The following RABGAP1L variants were observed in gnomAD, a reference collection of about 807,000 sequenced individuals.
RABGAP1L encodes the protein RAB GTPase activating protein 1 like.
Under a neutral mutation model 137.7 loss-of-function variants are expected in RABGAP1L, and 63 were observed. The observed-to-expected ratio is 0.46, with a 90% CI of 0.37 to 0.56. The LOEUF (loss-of-function observed/expected upper bound fraction) is 0.56. RABGAP1L is among the 20% of genes least tolerant of loss of function. RABGAP1L has a pLI of 0.00. For missense variants in RABGAP1L, 1,095 were observed against 1,244.0 expected (o/e 0.88, Z 1.80); for synonymous variants, 431 against 433.7 (o/e 0.99, Z 0.08).
chr1:174,369,685 A>G lies in RABGAP1L; in HGVS notation c.1466-1294A>G, dbSNP rs573594731. ...ATAGTAGTAATATTTCATTTGCTTT[A>G]ACTTTTAAAATATCTGTTATTTTCA... On this transcript the variant is annotated intron_variant, in intron 11 of 25. Transcript: ENST00000681986. 1.1e-4 allele frequency among the ~76,000 whole-genome samples: 17 copies of G among 152,274 alleles called. 1 individual carries two copies. The highest frequency in any genetic ancestry group is 9.2e-4 in the Admixed American group (14 of 15,296).
chr1:174,599,827 G>A lies in RABGAP1L; in HGVS notation c.1711-37548G>A, dbSNP rs1375374860. On this transcript the variant is annotated intron_variant, in intron 13 of 25. Transcript: ENST00000681986. ...AGTCTTCTTTGGGTTAAATCTGCTTGGTGTTTTATAACCTTCTTGTACTTG... is the reference window on the plus strand; with the variant it reads ...AGTCTTCTTTGGGTTAAATCTGCTTAGTGTTTTATAACCTTCTTGTACTTG... Among the ~76,000 whole-genome samples, 3 of 151,950 alleles carry A rather than the reference G, an allele frequency of 2.0e-5. No homozygotes were observed. In the East Asian group the frequency reaches 5.8e-4, roughly 29 times the overall value.
intron 13 of RABGAP1L, among the ~76,000 whole-genome samples, chr1:174,613,086 TG>T (rs1043111903): frequency 6.6e-6 from 1 of 150,866 alleles, no homozygotes; most frequent in African/African-American, 2.4e-5. Context: ...AGTTATTTCT[TG>T]CCTTCTGCTA....
At chr1:174,463,119 C>G (rs1365113637) in intron 13 of RABGAP1L, among the ~76,000 whole-genome samples, 1 of 152,092 alleles carries the variant, frequency 6.6e-6, no homozygotes, top group Non-Finnish European at 1.5e-5. Context: ...CCTCAGGGAT[C>G]TAGAACTAGA....
At chr1:174,783,749 G>A (rs1176594055) in intron 18 of RABGAP1L, among the ~76,000 whole-genome samples, 8 of 117,608 alleles carry the variant, frequency 6.8e-5, no homozygotes, top group Non-Finnish European at 1.1e-4. Flanking sequence ...TCACTCTGCC[G>A]CCAGGCTGGA....
At chr1:174,258,301 G>T (rs6682041) in intron 7 of RABGAP1L, among the ~76,000 whole-genome samples, 2 of 152,088 alleles carry the variant, frequency 1.3e-5, no homozygotes, top group Non-Finnish European at 2.9e-5. Flanking sequence ...AATCTTTTTT[G>T]TTAGACTGGG....
chr1:174,482,083 G>A (rs372456630), intron 13 of RABGAP1L, among the ~76,000 whole-genome samples: 2 of 152,252 alleles, frequency 1.3e-5, no homozygotes, highest in African/African-American at 4.8e-5. Flanking sequence ...GAGAGTCAGA[G>A]TGATACCATG....
chr1:174,904,691 C>G (rs1376735553), intron 19 of RABGAP1L, among the ~76,000 whole-genome samples: 1 of 151,820 alleles, frequency 6.6e-6, no homozygotes, highest in African/African-American at 2.4e-5. Context: ...CCTCTGTCAC[C>G]CAGGCTGGAA....
Position 174,420,993 on chromosome 1 carries a change from G to T in RABGAP1L, c.1710+26848G>T, listed in dbSNP as rs6671256. Among the ~76,000 whole-genome samples the T allele has an allele frequency of 9.5e-3, 1,442 of 152,010 alleles. 24 individuals are homozygous for T. The highest frequency in any genetic ancestry group is 0.033 in the African/African-American group (1,383 of 41,484). ...CCTGGCTGGATTCAGGTTTTATAGG[G>T]CATGAAGCTTATATAATTTGGAGGC... On this transcript the variant is annotated intron_variant, in intron 13 of 25. Coordinates refer to ENST00000681986, the MANE Select transcript of RABGAP1L (RefSeq NM_001366446.1).
chr1:174,839,100 G>A (rs1232447238), intron 19 of RABGAP1L, among the ~76,000 whole-genome samples: 3 of 150,804 alleles, frequency 2.0e-5, no homozygotes, highest in East Asian at 2.0e-4. Context: ...TTGTATCTGT[G>A]GGGGAAGAGG....
intron 11 of RABGAP1L, among the ~76,000 whole-genome samples, chr1:174,366,505 C>T (rs1189128042): frequency 7.9e-5 from 12 of 152,064 alleles, no homozygotes; most frequent in Admixed American, 5.9e-4. Flanking sequence ...CACGGTGGCT[C>T]ATGCCTGTAA....
At chr1:174,630,830 T>C (rs1353504533) in intron 13 of RABGAP1L, among the ~76,000 whole-genome samples, 1 of 140,726 alleles carries the variant, frequency 7.1e-6, no homozygotes, top group Non-Finnish European at 1.5e-5. Flanking sequence ...TTGTTGATCC[T>C]TTCAAAAAAC....
At chr1:174,312,676 T>A (rs1310978995) in intron 11 of RABGAP1L, among the ~76,000 whole-genome samples, 2 of 152,190 alleles carry the variant, frequency 1.3e-5, no homozygotes, top group Non-Finnish European at 2.9e-5. Flanking sequence ...AATTTTTGCC[T>A]AGACCAATGT....
chr1:174,715,650 G>T (rs772247248), intron 17 of RABGAP1L, among the ~76,000 whole-genome samples: 3 of 152,210 alleles, frequency 2.0e-5, no homozygotes, highest in Non-Finnish European at 2.9e-5. Context: ...ATGGGCAGAC[G>T]CTGTGATTAT....
At chr1:174,610,044 T>G in intron 13 of RABGAP1L, among the ~76,000 whole-genome samples, 1 of 150,450 alleles carries the variant, frequency 6.6e-6, no homozygotes, top group Non-Finnish European at 1.5e-5. Flanking sequence ...TTTTTTTTTC[T>G]TTTTTTAAAT....
At chr1:174,636,812 G>A (rs1324370032) in intron 13 of RABGAP1L, among the ~76,000 whole-genome samples, 1 of 152,096 alleles carries the variant, frequency 6.6e-6, no homozygotes. Flanking sequence ...TGTAACTTTT[G>A]CCTTAGCAAT....
intron 13 of RABGAP1L, among the ~76,000 whole-genome samples, chr1:174,501,159 TGCCCTCTGAGACCCTACATTTTCTAA>T (rs1365533491): frequency 6.6e-6 from 1 of 151,976 alleles, no homozygotes; most frequent in East Asian, 1.9e-4. Context: ...GAATCTTCCA[TGCCCTCTGAGACCCTACATTTTCTAA>T]ACTTAACTTG....
intron 1 of RABGAP1L, among the ~76,000 whole-genome samples, chr1:174,182,496 C>T (rs189269799): frequency 3.3e-5 from 5 of 152,282 alleles, no homozygotes; most frequent in East Asian, 1.9e-4. Flanking sequence ...GGTTATTAAA[C>T]ACTGGATCTC....
intron 1 of RABGAP1L, among the ~76,000 whole-genome samples, chr1:174,187,727 T>C (rs1666912628): frequency 6.6e-6 from 1 of 152,108 alleles, no homozygotes. Flanking sequence ...TTCACTATCT[T>C]AAGAATTCTG....
At chr1:174,791,513 C>G (rs1190224811) in intron 18 of RABGAP1L, among the ~76,000 whole-genome samples, 1 of 152,134 alleles carries the variant, frequency 6.6e-6, no homozygotes, top group Non-Finnish European at 1.5e-5. Context: ...TAAAAAAATG[C>G]TGGTCTAGCT....
Sources: gnomAD v4.1 joint callset for allele counts (sites outside exome capture counted in the v4.1 genomes callset) on GRCh38, gnomAD v4.1.1 for gene constraint, MANE v1.5 for transcripts, NCBI Gene and HGNC (gene_info 2026-07-23, HGNC 2026-07-21) for gene names.